Variants in PTK2B observed in about 807,000 individuals in gnomAD.
PTK2B encodes the protein protein tyrosine kinase 2 beta.
Under a neutral mutation model 142.9 loss-of-function variants are expected in PTK2B, and 71 were observed. The observed-to-expected ratio is 0.50, with a 90% CI of 0.41 to 0.61. The LOEUF (loss-of-function observed/expected upper bound fraction) is 0.61. Among genes scored for constraint, PTK2B ranks in the 20% least tolerant of loss-of-function variants. PTK2B has a pLI of 0.00. For missense variants in PTK2B, 1,105 were observed against 1,320.4 expected, an observed-to-expected ratio of 0.84 and a Z score of 2.53; for synonymous variants, 519 against 503.4, an observed-to-expected ratio of 1.03 and a Z score of -0.42.
chr8:27,362,256 C>T (rs1213524116), intron 1 of PTK2B, among the ~76,000 whole-genome samples: 1 of 152,062 alleles, frequency 6.6e-6, no homozygotes, highest in Non-Finnish European at 1.5e-5. Context: ...CCTTCTCTCT[C>T]CCCTAGGCTG....
chr8:27,371,586 C>G (rs1806363816), intron 1 of PTK2B, among the ~76,000 whole-genome samples: 1 of 151,478 alleles, frequency 6.6e-6, no homozygotes, highest in Non-Finnish European at 1.5e-5. Context: ...CTCACTCTGT[C>G]ATCCAGGCTG....
At chr8:27,380,097 C>G (rs554946563) in intron 1 of PTK2B, among the ~76,000 whole-genome samples, 1 of 152,190 alleles carries the variant, frequency 6.6e-6, no homozygotes, top group Admixed American at 6.5e-5. Flanking sequence ...TTGGACGACA[C>G]ATTGCTGAGC....
At position 27,397,785 on chromosome 8, in the gene PTK2B, C is replaced by G. The variant is rs201752959; in HGVS notation, c.201C>G (p.Ile67Met). The G allele has an allele frequency of 8.9e-5, 143 of 1,613,916 alleles. No homozygotes were observed. Among genetic ancestry groups the G allele is most frequent in the Non-Finnish European group, 1.0e-4 (122 of 1,179,868 alleles). Residue 67 changes from isoleucine (I) to methionine (M), a missense_variant, in exon 2 of 31, where the codon ATC becomes ATG. Ile to Met is a conservative substitution (Grantham distance 10, BLOSUM62 1). Transcript: ENST00000346049. The part of the protein sequence containing the change: ...KLVKCTVQTE[I>M]REIITSILLS... ...TCAAATGCACTGTCCAGACGGAGAT[C>G]CGGGTAAGTGTGAAGTGTCTGCCCT...
intron 1 of PTK2B, among the ~76,000 whole-genome samples, chr8:27,382,887 T>A (rs1026526272): frequency 6.6e-6 from 1 of 152,202 alleles, no homozygotes; most frequent in Non-Finnish European, 1.5e-5. Context: ...ATTTCTGGGT[T>A]CTCTATTCTG....
rs140355278 is a variant in PTK2B, at chr8:27,371,844, G to T, written c.-37-25704G>T. Among the ~76,000 whole-genome samples, 26 of 152,152 alleles carry T rather than the reference G, an allele frequency of 1.7e-4. No individual in the cohort carries two copies. In the East Asian group the frequency reaches 5.0e-3, roughly 29 times the overall value. On this transcript the variant is annotated intron_variant, in intron 1 of 30. Coordinates refer to ENST00000346049, the MANE Select transcript of PTK2B (RefSeq NM_173176.3). ...ATTTCAGGCATTAGCCACCATGCCTGGCCAACAGAATCTATTTTAAAGAAG... is the reference window on the plus strand; with the variant it reads ...ATTTCAGGCATTAGCCACCATGCCTTGCCAACAGAATCTATTTTAAAGAAG...
chr8:27,342,910 C>T (rs964903224), intron 1 of PTK2B, among the ~76,000 whole-genome samples: 5 of 152,096 alleles, frequency 3.3e-5, no homozygotes, highest in African/African-American at 4.8e-5. Context: ...CAAAGCAAAC[C>T]GAGACCTGTT....
chr8:27,387,854 C>T (rs1807469111), intron 1 of PTK2B, among the ~76,000 whole-genome samples: 1 of 150,146 alleles, frequency 6.7e-6, no homozygotes, highest in African/African-American at 2.5e-5. Flanking sequence ...AAGAATGGCT[C>T]ATTTATCCCA....
intron 1 of PTK2B, among the ~76,000 whole-genome samples, chr8:27,334,956 G>A (rs1226988512): frequency 6.6e-6 from 1 of 152,148 alleles, no homozygotes; most frequent in Non-Finnish European, 1.5e-5. Context: ...TGTGAGTCTT[G>A]CCTTTCCCTT....
At position 27,436,272 on chromosome 8, in the gene PTK2B, G is replaced by T; in HGVS notation, c.1265G>T (p.Arg422Leu). 1 of 1,614,190 alleles carries T rather than the reference G, an allele frequency of 6.2e-7. No homozygotes were observed. Among genetic ancestry groups the T allele is most frequent in the Non-Finnish European group, 8.5e-7 (1 of 1,180,034 alleles). The change falls in exon 15 of 31, where the codon CGT becomes CTT. Residue 422 changes from arginine to leucine, a missense_variant. Coordinates refer to ENST00000346049, the MANE Select transcript of PTK2B (RefSeq NM_173176.3). ...RPGGPQYGIAREDVVLNRILG... is the reference protein window; with the variant it reads ...RPGGPQYGIALEDVVLNRILG... Reference sequence around the variant, plus strand: ...GCAGGTCCACAGTATGGCATTGCCCGTGAAGATGTGGTCCTGAATCGTATT... The same window carrying T: ...GCAGGTCCACAGTATGGCATTGCCCTTGAAGATGTGGTCCTGAATCGTATT...
At chr8:27,429,261 A>G (rs931487262) in intron 5 of PTK2B, among the ~76,000 whole-genome samples, 4 of 152,224 alleles carry the variant, frequency 2.6e-5, no homozygotes, top group African/African-American at 9.6e-5. Flanking sequence ...CTTTTGAATC[A>G]TAAGTTACTT....
At chr8:27,315,606 A>G (rs1293268573) in intron 3 of PTK2B, among the ~76,000 whole-genome samples, 1 of 149,290 alleles carries the variant, frequency 6.7e-6, no homozygotes, top group Non-Finnish European at 1.5e-5. Context: ...TTCTGTTCTT[A>G]CCTGATCTTC....
At chr8:27,442,359 A>G (rs1811203382) in intron 21 of PTK2B, among the ~76,000 whole-genome samples, 1 of 152,212 alleles carries the variant, frequency 6.6e-6, no homozygotes, top group African/African-American at 2.4e-5. Flanking sequence ...GGTTAGGAGC[A>G]CTGGATTGGG....
chr8:27,322,020 C>T (rs1011704211), upstream of PTK2B, among the ~76,000 whole-genome samples: 5 of 151,268 alleles, frequency 3.3e-5, no homozygotes, highest in Non-Finnish European at 5.9e-5. Context: ...AATGGACTAT[C>T]ACTCTGTCAC....
chr8:27,435,964 T>C (rs1213606792), intron 14 of PTK2B, among the ~76,000 whole-genome samples, 171 bp downstream of exon 14: 1 of 152,168 alleles, frequency 6.6e-6, no homozygotes, highest in East Asian at 1.9e-4. Context: ...TGAGATTTTT[T>C]TTTCTCTCCC....
intron 1 of PTK2B, among the ~76,000 whole-genome samples, chr8:27,347,068 T>G (rs1410368268): frequency 6.6e-6 from 1 of 152,208 alleles, no homozygotes; most frequent in Admixed American, 6.5e-5. Context: ...TCAATGATTC[T>G]GTTGCCATCT....
At position 27,434,552 on chromosome 8, in the gene PTK2B, C is replaced by T. The variant is rs767046488; in HGVS notation, c.1185C>T (p.Cys395=). 1.2e-6 allele frequency: 2 copies of T among 1,604,486 alleles called. No individual in the cohort carries two copies. Among genetic ancestry groups the T allele is most frequent in the South Asian group, 2.2e-5 (2 of 89,438 alleles). The part of the protein sequence containing the change: ...EARRSHLSES[C]SIESDIYAEI... ...GGCGGTCCCACCTCTCAGAGAGCTG[C>T]AGCATAGGTGAGCTGCCCGCTGCAT... is the stretch of plus-strand genomic sequence containing the variant. Residue 395 remains cysteine (C), a synonymous_variant, in exon 13 of 31, where the codon TGC becomes TGT. Transcript: ENST00000346049.
At chr8:27,330,948 C>T (rs1049770430) in intron 1 of PTK2B, among the ~76,000 whole-genome samples, 2 of 152,190 alleles carry the variant, frequency 1.3e-5, no homozygotes, top group Non-Finnish European at 2.9e-5. Context: ...AAACCAAGAT[C>T]AGCAATGGCC....
intron 8 of PTK2B, 34 bp from the exon 9 acceptor site, chr8:27,431,364 T>C (rs1254542172): frequency 9.9e-6 from 16 of 1,613,990 alleles, no homozygotes; most frequent in African/African-American, 1.3e-5. Context: ...GGAGGACAGC[T>C]CTGGAACAAC....
At chr8:27,414,192 T>C (rs1198155854) in intron 2 of PTK2B, among the ~76,000 whole-genome samples, 1 of 152,182 alleles carries the variant, frequency 6.6e-6, no homozygotes, top group Non-Finnish European at 1.5e-5. Flanking sequence ...TGGAGAAGGA[T>C]ATTTGAAAAC....
Sources: gnomAD v4.1 joint callset for allele counts (sites outside exome capture counted in the v4.1 genomes callset) on GRCh38, gnomAD v4.1.1 for gene constraint, MANE v1.5 for transcripts, NCBI Gene and HGNC (gene_info 2026-07-23, HGNC 2026-07-21) for gene names.